The following PPP6R2 variants were observed in gnomAD, a reference collection of about 807,000 sequenced individuals.
The protein encoded by PPP6R2 is protein phosphatase 6 regulatory subunit 2, also known as serine/threonine-protein phosphatase 6 regulatory subunit 2.
A neutral mutation model predicts 100.2 loss-of-function variants in PPP6R2; 62 were observed. That is an observed-to-expected ratio of 0.62 (90% confidence interval 0.50 to 0.76). The LOEUF (loss-of-function observed/expected upper bound fraction) is 0.76. Among genes scored for constraint, PPP6R2 ranks in the 30% least tolerant of loss-of-function variants. PPP6R2 has a pLI of 0.00. For missense variants in PPP6R2, 1,142 were observed against 1,276.3 expected (o/e 0.89, Z 1.60); for synonymous variants, 525 against 514.7 (o/e 1.02, Z -0.27).
In PPP6R2 at chr22:50,438,492, G is replaced by C. The variant is rs1273951256; in HGVS notation, c.1965-107G>C. The C allele has an allele frequency of 1.1e-5, 16 of 1,458,002 alleles. 1 individual carries two copies. The highest frequency in any genetic ancestry group is 1.5e-5 in the Non-Finnish European group (16 of 1,070,240). 90.3% of individuals were successfully genotyped at this position (1,458,002 alleles called of 1,614,324 possible). On this transcript the variant is annotated intron_variant, in intron 18 of 23. Coordinates refer to ENST00000612753, the MANE Select transcript of PPP6R2 (RefSeq NM_001242898.2). ...CTGGAGCGTCTCGTGCTCCTCTCTC[G>C]AGACGATCTGTGCTCACCCTCAGCC...
intron 12 of PPP6R2, among the ~76,000 whole-genome samples, chr22:50,432,561 C>T (rs1349849271): frequency 2.6e-5 from 4 of 152,164 alleles, no homozygotes; most frequent in African/African-American, 7.2e-5. Context: ...GAAGCGGTCC[C>T]GTCCCCACCA....
Position 50,393,902 on chromosome 22 carries a change from C to T in PPP6R2, c.-7C>T, listed in dbSNP as rs779635978. 10 of 1,613,994 alleles carry T rather than the reference C, an allele frequency of 6.2e-6. No homozygotes were observed. The highest frequency in any genetic ancestry group is 1.6e-4 in the Middle Eastern group (1 of 6,084). On this transcript the variant is annotated 5_prime_UTR_variant, in exon 3 of 24. Coordinates refer to ENST00000612753, the MANE Select transcript of PPP6R2 (RefSeq NM_001242898.2). ...TTGCCCTCGTTTGCAGCTCTGCGGC[C>T]GTCACGATGTTCTGGAAGTTTGACT... is the stretch of plus-strand genomic sequence containing the variant.
At chr22:50,440,111 G>C in intron 21 of PPP6R2, 62 bp downstream of exon 21, 1 of 1,468,868 alleles carries the variant, frequency 6.8e-7, no homozygotes, top group Non-Finnish European at 9.3e-7. Context: ...AGGCCAGCTG[G>C]CCCCCCTCCT....
At chr22:50,360,715 G>A (rs1423363633) in intron 1 of PPP6R2, among the ~76,000 whole-genome samples, 1 of 152,116 alleles carries the variant, frequency 6.6e-6, no homozygotes, top group African/African-American at 2.4e-5. Flanking sequence ...AGAGAAGCTG[G>A]CAGTTAGCTA....
chr22:50,359,673 A>G (rs1176075763), intron 1 of PPP6R2, among the ~76,000 whole-genome samples: 1 of 152,172 alleles, frequency 6.6e-6, no homozygotes, highest in Non-Finnish European at 1.5e-5. Context: ...CATTCTTGGG[A>G]TTAAATCCCC....
At chr22:50,383,435 C>G (rs2053545548) in intron 2 of PPP6R2, among the ~76,000 whole-genome samples, 1 of 152,074 alleles carries the variant, frequency 6.6e-6, no homozygotes, top group Admixed American at 6.6e-5. Flanking sequence ...CGTGTTTTCC[C>G]AAATACAGAA....
chr22:50,365,572 G>A (rs183586690), intron 1 of PPP6R2, among the ~76,000 whole-genome samples: 2,372 of 151,498 alleles, frequency 0.016, 28 homozygotes, highest in South Asian at 0.037. Context: ...CCAGCTACTC[G>A]GGAGGCTGAG....
chr22:50,432,546 G>A (rs542541009), intron 12 of PPP6R2, among the ~76,000 whole-genome samples: 2 of 152,302 alleles, frequency 1.3e-5, no homozygotes, highest in African/African-American at 2.4e-5. Flanking sequence ...ACAGGGAGCC[G>A]ACAGGAAGCG....
At chr22:50,355,681 C>G (rs1327785777) in intron 1 of PPP6R2, among the ~76,000 whole-genome samples, 1 of 151,394 alleles carries the variant, frequency 6.6e-6, no homozygotes, top group Non-Finnish European at 1.5e-5. Context: ...CCACCACACC[C>G]AGCTAATTTT....
chr22:50,342,881 G>A (rs997174772), upstream of PPP6R2, among the ~76,000 whole-genome samples: 3 of 152,114 alleles, frequency 2.0e-5, no homozygotes, highest in African/African-American at 7.2e-5. Context: ...GGCTGAGCCC[G>A]CTCCTGCTGC....
chr22:50,406,692 T>C lies in PPP6R2; in HGVS notation c.231T>C (p.Tyr77=), dbSNP rs2059004942. 2 of 1,612,954 alleles carry C rather than the reference T, an allele frequency of 1.2e-6. No homozygotes were observed. Among genetic ancestry groups the C allele is most frequent in the Non-Finnish European group, 1.7e-6 (2 of 1,179,850 alleles). The part of the protein sequence containing the change: ...LDMEEKVRFK[Y]PNTACELLTC... Reference sequence around the variant, plus strand: ...TGCTTGGACTGTGCCCTTTTAGATATCCAAACACAGCCTGTGAGCTTCTGA... The same window carrying C: ...TGCTTGGACTGTGCCCTTTTAGATACCCAAACACAGCCTGTGAGCTTCTGA... Residue 77 remains tyrosine (Y), a synonymous_variant, in exon 4 of 24, where the codon TAT becomes TAC. Transcript: ENST00000612753.
In PPP6R2 at chr22:50,444,285, C is replaced by T. The variant is rs772126863; in HGVS notation, c.*38C>T. 6.2e-7 allele frequency: 1 copy of T among 1,601,384 alleles called. No homozygotes were observed. The highest frequency in any genetic ancestry group is 2.2e-5 in the East Asian group (1 of 44,734). On this transcript the variant is annotated 3_prime_UTR_variant, in exon 24 of 24. Transcript: ENST00000612753. ...CCGGCCACGGCCCACCCTGGTCAGGCTGCCTCCTTAATCGAGAAAACTACC... is the reference window on the plus strand; with the variant it reads ...CCGGCCACGGCCCACCCTGGTCAGGTTGCCTCCTTAATCGAGAAAACTACC...
chr22:50,343,784 C>T (rs1451325054), intron 1 of PPP6R2, among the ~76,000 whole-genome samples: 1 of 67,340 alleles, frequency 1.5e-5, no homozygotes, highest in East Asian at 5.7e-4. Context: ...GTCAGTTCCC[C>T]CAGTCAGTGC....
chr22:50,409,489 G>A (rs544759622), intron 4 of PPP6R2, among the ~76,000 whole-genome samples: 31 of 152,116 alleles, frequency 2.0e-4, no homozygotes, highest in South Asian at 1.0e-3. Flanking sequence ...GTGCAGTGGC[G>A]CAATCTCAGC....
chr22:50,420,369 C>G (rs1322752205), intron 8 of PPP6R2, among the ~76,000 whole-genome samples: 1 of 152,148 alleles, frequency 6.6e-6, no homozygotes, highest in Non-Finnish European at 1.5e-5. Context: ...TGCTGTGACC[C>G]CACATCGCTG....
At chr22:50,381,832 C>T (rs1193485383) in intron 2 of PPP6R2, among the ~76,000 whole-genome samples, 1 of 150,766 alleles carries the variant, frequency 6.6e-6, no homozygotes, top group Non-Finnish European at 1.5e-5. Flanking sequence ...GGCGTGAACC[C>T]GGGAGGCGGA....
Position 50,394,145 on chromosome 22 carries a change from A to G in PPP6R2, c.227+10A>G. 1 of 1,612,624 alleles carries G rather than the reference A, an allele frequency of 6.2e-7. No individual in the cohort carries two copies. Among genetic ancestry groups the G allele is most frequent in the Non-Finnish European group, 8.5e-7 (1 of 1,179,012 alleles). On this transcript the variant is annotated intron_variant, in intron 3 of 23. Transcript: ENST00000612753. The stretch of plus-strand genomic sequence containing the variant: ...AGAAGGTCCGCTTCAAGTATGTACC[A>G]AAGCTGTGACGGGCCAGTACGCCAG...
chr22:50,436,219 A>ATG, intron 13 of PPP6R2, 148 bp from the exon 14 acceptor site: 1 of 671,354 alleles, frequency 1.5e-6, no homozygotes, highest in South Asian at 1.8e-5. Flanking sequence ...CATCCGGCAA[A>ATG]GCCCCTGCTT....
At chr22:50,337,478 TTGTC>T in the PPP6R2 span, among the ~76,000 whole-genome samples, 7,048 of 116,454 alleles carry the variant, frequency 0.061, 342 homozygotes, top group African/African-American at 0.15. Context: ...TGTGTAGTGT[TTGTC>T]TGCGATGTGT....
Sources: allele counts gnomAD v4.1 joint callset (sites outside exome capture counted in the v4.1 genomes callset), GRCh38; gene constraint gnomAD v4.1.1; transcripts MANE v1.5; gene names NCBI Gene and HGNC (gene_info 2026-07-23, HGNC 2026-07-21).